The following ROBO2 variants were observed in gnomAD, a reference collection of about 807,000 sequenced individuals.
ROBO2 encodes roundabout homolog 2.
ROBO2 carries 53 observed loss-of-function variants against 160.8 expected under a neutral mutation model. The ratio of observed to expected loss-of-function variants is 0.33; its 90% CI spans 0.26 to 0.41. The LOEUF (loss-of-function observed/expected upper bound fraction) is 0.41, where lower values mean the gene tolerates loss of function less well. Among genes scored for constraint, ROBO2 ranks in the 10% least tolerant of loss-of-function variants. ROBO2 has a pLI of 1.00. For synonymous variants in ROBO2, 664 were observed against 611.7 expected (o/e 1.09, Z -1.26); for missense variants, 1,577 against 1,722.4 (o/e 0.92, Z 1.49).
At chr3:77,494,908 T>C (rs1341528585) in intron 5 of ROBO2, among the ~76,000 whole-genome samples, 2 of 152,214 alleles carry the variant, frequency 1.3e-5, no homozygotes, top group Admixed American at 1.3e-4. Flanking sequence ...TTTTTCAGCC[T>C]ATGTAGTGGG....
chr3:76,331,561 A>G (rs1166519855), intron 2 of ROBO2, among the ~76,000 whole-genome samples: 1 of 151,964 alleles, frequency 6.6e-6, no homozygotes, highest in Non-Finnish European at 1.5e-5. Flanking sequence ...ATAATTTGAC[A>G]TTCTCAACCC....
intron 1 of ROBO2, among the ~76,000 whole-genome samples, chr3:75,929,468 C>T (rs1297877970): frequency 6.6e-6 from 1 of 152,158 alleles, no homozygotes; most frequent in Non-Finnish European, 1.5e-5. Context: ...TACCAAAGTA[C>T]AATTGTTGCT....
chr3:76,338,821 C>T (rs1047534319), intron 2 of ROBO2, among the ~76,000 whole-genome samples: 91 of 151,166 alleles, frequency 6.0e-4, no homozygotes, highest in Admixed American at 2.4e-3. Flanking sequence ...TGAAGTTGAA[C>T]CACTGTGTCT....
chr3:76,126,108 C>G lies in ROBO2; in HGVS notation c.109+188506C>G, dbSNP rs1024544138. ...GGATTACAGGCGTGAGCCACTGCAC[C>G]CAGCCTGCATCAAAATAATTTTAAA... On this transcript the variant is annotated intron_variant, in intron 2 of 26. Coordinates refer to the ROBO2 transcript ENST00000487694. Among the ~76,000 whole-genome samples, 3 of 152,128 alleles carry G rather than the reference C, an allele frequency of 2.0e-5. 1 individual carries two copies. The South Asian group carries it at 6.2e-4, about 31-fold the overall frequency.
chr3:77,164,923 CCGGGAGGGAGG>C (rs2078909076), intron 2 of ROBO2, among the ~76,000 whole-genome samples: 1 of 112,970 alleles, frequency 8.9e-6, no homozygotes, highest in African/African-American at 3.0e-5. Context: ...GCCGCCCCGT[CCGGGAGGGAGG>C]TGGGGGCGGT....
chr3:77,573,573 A>G (rs988336242), intron 13 of ROBO2, among the ~76,000 whole-genome samples: 1 of 152,038 alleles, frequency 6.6e-6, no homozygotes, highest in Non-Finnish European at 1.5e-5. Flanking sequence ...TTTTCATTTA[A>G]TATTTGGTAA....
chr3:76,252,641 AG>A (rs1706083008), intron 2 of ROBO2, among the ~76,000 whole-genome samples: 1 of 151,914 alleles, frequency 6.6e-6, no homozygotes, highest in African/African-American at 2.4e-5. Context: ...AAATAAAAAA[AG>A]GTATGTTGTT....
chr3:76,343,667 A>G (rs911348281), intron 2 of ROBO2, among the ~76,000 whole-genome samples: 5 of 151,974 alleles, frequency 3.3e-5, no homozygotes, highest in African/African-American at 1.2e-4. Flanking sequence ...AGCAAGACAT[A>G]AATCAGGAAA....
rs150549259 is a variant in ROBO2, at chr3:76,946,320, G to A, written c.110-151694G>A. On this transcript the variant is annotated intron_variant, in intron 2 of 26. Transcript: ENST00000487694. ...TTTAGGTGGTTCTCTGTCCAGGGGT[G>A]GGGATTTTCTCACACACGTACTGAT... 2.8e-3 allele frequency among the ~76,000 whole-genome samples: 432 copies of A among 152,202 alleles called. 1 individual carries two copies. The highest frequency in any genetic ancestry group is 0.01 in the African/African-American group (416 of 41,522).
At chr3:76,649,562 T>G (rs1376680612) in intron 2 of ROBO2, among the ~76,000 whole-genome samples, 3 of 152,228 alleles carry the variant, frequency 2.0e-5, no homozygotes, top group Non-Finnish European at 1.5e-5. Flanking sequence ...AGTTAAAAAT[T>G]TATTAGGTTT....
chr3:75,966,185 A>G (rs1483374657), intron 2 of ROBO2, among the ~76,000 whole-genome samples: 1 of 151,780 alleles, frequency 6.6e-6, no homozygotes, highest in African/African-American at 2.4e-5. Flanking sequence ...TAAAGAAGTA[A>G]TGACTCAAAT....
At chr3:75,956,508 C>G (rs1411796077) in intron 2 of ROBO2, among the ~76,000 whole-genome samples, 4 of 151,650 alleles carry the variant, frequency 2.6e-5, no homozygotes, top group Non-Finnish European at 4.4e-5. Context: ...TTACCATTAC[C>G]TTTTAATTTG....
chr3:76,740,606 C>A lies in ROBO2; in HGVS notation c.110-357408C>A, dbSNP rs761494699. On this transcript the variant is annotated intron_variant, in intron 2 of 26. Transcript: ENST00000487694. ...GCATAAAAAGCTTTGACTTTGATGA[C>A]TAATGGATGTTAATTATCATGACAG... is the stretch of plus-strand genomic sequence containing the variant. 2.0e-5 allele frequency among the ~76,000 whole-genome samples: 3 copies of A among 152,158 alleles called. No individual in the cohort carries two copies. The South Asian group carries it at 6.2e-4, about 32-fold the overall frequency.
intron 2 of ROBO2, among the ~76,000 whole-genome samples, chr3:77,121,616 T>G (rs2074779838): frequency 1.3e-5 from 2 of 152,102 alleles, no homozygotes; most frequent in Non-Finnish European, 1.5e-5. Flanking sequence ...TAATTAATAT[T>G]TTCTGCTTAA....
At chr3:77,229,832 A>G (rs980319858) in intron 2 of ROBO2, among the ~76,000 whole-genome samples, 2 of 152,194 alleles carry the variant, frequency 1.3e-5, no homozygotes, top group Non-Finnish European at 2.9e-5. Flanking sequence ...CGTTGAAATC[A>G]AGAGGTTATT....
At chr3:76,369,834 T>C (rs2076015351) in intron 2 of ROBO2, among the ~76,000 whole-genome samples, 1 of 151,986 alleles carries the variant, frequency 6.6e-6, no homozygotes, top group Non-Finnish European at 1.5e-5. Flanking sequence ...TAATATTATC[T>C]TTTGAAAGAA....
At chr3:77,648,373 T>A (rs910938076) in exon 26 of ROBO2, 3 of 152,194 alleles carry the variant, frequency 2.0e-5, no homozygotes, top group Non-Finnish European at 2.9e-5. Context: ...TGGTGATTAA[T>A]AAACCAAGGC....
intron 1 of ROBO2, among the ~76,000 whole-genome samples, chr3:77,065,557 T>C (rs1578665041): frequency 6.6e-6 from 1 of 152,140 alleles, no homozygotes; most frequent in Non-Finnish European, 1.5e-5. Flanking sequence ...GTGATCAAGA[T>C]TGAGAGTACC....
chr3:76,164,983 A>T (rs959734545), intron 2 of ROBO2, among the ~76,000 whole-genome samples: 5 of 152,196 alleles, frequency 3.3e-5, no homozygotes, highest in South Asian at 4.1e-4. Context: ...GGAGCTGCAT[A>T]GTCTCCTTAG....
Sources: gnomAD v4.1 joint callset for allele counts (sites outside exome capture counted in the v4.1 genomes callset) on GRCh38, gnomAD v4.1.1 for gene constraint, MANE v1.5 for transcripts, NCBI Gene and HGNC (gene_info 2026-07-23, HGNC 2026-07-21) for gene names.